The following FBXL13 variants were observed in gnomAD, a reference collection of about 807,000 sequenced individuals.
FBXL13 encodes F-box and leucine rich repeat protein 13, also known as F-box and leucine-rich repeat protein 13.
FBXL13 carries 67 observed loss-of-function variants against 83.6 expected under a neutral mutation model. That is an observed-to-expected ratio of 0.80 (90% CI 0.66 to 0.98). The LOEUF (loss-of-function observed/expected upper bound fraction) is 0.98. FBXL13 is among the 50% of genes least tolerant of loss of function. The pLI, the probability that FBXL13 is intolerant of heterozygous loss-of-function variation, is 0.00. For missense variants in FBXL13, 822 were observed against 866.5 expected (o/e 0.95, Z 0.64); for synonymous variants, 272 against 299.5 (o/e 0.91, Z 0.95).
intron 17 of FBXL13, among the ~76,000 whole-genome samples, chr7:102,835,800 G>A (rs898589951): frequency 4.6e-5 from 7 of 151,086 alleles, no homozygotes; most frequent in Non-Finnish European, 7.4e-5. Context: ...TAGTAGAGAC[G>A]GGGTTTCACC....
At chr7:103,054,137 T>G (rs1179842657) in intron 2 of FBXL13, among the ~76,000 whole-genome samples, 1 of 74,908 alleles carries the variant, frequency 1.3e-5, no homozygotes, top group African/African-American at 3.2e-5. Flanking sequence ...GGCTCACACC[T>G]GTAATCTGAG....
intron 2 of FBXL13, among the ~76,000 whole-genome samples, chr7:103,046,611 G>T (rs1038866744): frequency 6.6e-6 from 1 of 152,080 alleles, no homozygotes; most frequent in African/African-American, 2.4e-5. Context: ...AATCCTTCAC[G>T]AATAAAAGTA....
intron 6 of FBXL13, among the ~76,000 whole-genome samples, chr7:103,011,637 CAAA>C (rs1323329438): frequency 1.0e-4 from 6 of 58,494 alleles, no homozygotes; most frequent in Admixed American, 1.9e-4. Flanking sequence ...GACTCTGTCT[CAAA>C]AAAAAAAAAA....
intron 8 of FBXL13, among the ~76,000 whole-genome samples, chr7:102,957,685 C>T (rs567406301): frequency 6.6e-6 from 1 of 151,626 alleles, no homozygotes; most frequent in East Asian, 1.9e-4. Flanking sequence ...AACAAATTTA[C>T]AAGAAAAAAA....
At chr7:102,958,657 A>C (rs1169788976) in intron 8 of FBXL13, among the ~76,000 whole-genome samples, 1 of 152,014 alleles carries the variant, frequency 6.6e-6, no homozygotes, top group Admixed American at 6.6e-5. Flanking sequence ...AAACATAATA[A>C]ATTGGTTAAA....
At chr7:102,824,357 G>C (rs1799251188) in intron 18 of FBXL13, among the ~76,000 whole-genome samples, 1 of 152,060 alleles carries the variant, frequency 6.6e-6, no homozygotes, top group South Asian at 2.1e-4. Context: ...AGCAATAATA[G>C]CAAAGGAAAG....
chr7:102,937,345 C>CA (rs373845836), intron 8 of FBXL13, among the ~76,000 whole-genome samples: 122,890 of 143,752 alleles, frequency 0.85, 52,475 homozygotes, highest in Middle Eastern at 0.93. Context: ...ACTAAAAATA[C>CA]AAAAAAAAAA....
intron 11 of FBXL13, among the ~76,000 whole-genome samples, chr7:102,893,981 A>AC (rs1563055342): frequency 2.6e-5 from 3 of 117,274 alleles, no homozygotes; most frequent in African/African-American, 1.1e-4. Context: ...AAAGAAAGAA[A>AC]GAGGAAAGAA....
At chr7:103,025,886 A>G (rs1793845529) in intron 5 of FBXL13, among the ~76,000 whole-genome samples, 1 of 152,022 alleles carries the variant, frequency 6.6e-6, no homozygotes, top group African/African-American at 2.4e-5. Context: ...CCCAGCATAC[A>G]CTTGCCATCC....
At chr7:103,030,297 A>G (rs1489616315) in intron 2 of FBXL13, among the ~76,000 whole-genome samples, 1 of 152,220 alleles carries the variant, frequency 6.6e-6, no homozygotes, top group African/African-American at 2.4e-5. Flanking sequence ...GGCATACAAG[A>G]AAGGCCCATA....
chr7:102,931,026 A>C (rs1456846903), intron 9 of FBXL13, among the ~76,000 whole-genome samples: 1 of 152,228 alleles, frequency 6.6e-6, no homozygotes, highest in East Asian at 1.9e-4. Flanking sequence ...AAGGATACTT[A>C]TCATAGGAAC....
At chr7:102,973,181 C>A (rs771907433) in intron 6 of FBXL13, 9 of 205,438 alleles carry the variant, frequency 4.4e-5, no homozygotes, top group Non-Finnish European at 6.9e-5. Flanking sequence ...GGTTATCAGC[C>A]TTCCTTTCAT....
At chr7:102,822,145 T>A in exon 19 of FBXL13, 1 of 1,614,198 alleles carries the variant, frequency 6.2e-7, no homozygotes, top group East Asian at 2.2e-5. Flanking sequence ...ACCAGAGATA[T>A]CCAAAATGTG....
chr7:103,002,403 TTTA>T (rs1182083332), intron 6 of FBXL13, among the ~76,000 whole-genome samples: 1 of 152,238 alleles, frequency 6.6e-6, no homozygotes, highest in Non-Finnish European at 1.5e-5. Context: ...TTTCAATAGA[TTTA>T]TTTTTTAGGC....
intron 6 of FBXL13, among the ~76,000 whole-genome samples, chr7:102,990,297 A>G (rs1829429509): frequency 6.6e-6 from 1 of 152,152 alleles, no homozygotes; most frequent in Admixed American, 6.5e-5. Flanking sequence ...TAGAGAAATA[A>G]TTCCCAGAGA....
rs558586150 is a variant in FBXL13 at position 102,895,765 on chromosome 7, A to T, written c.1009-11453T>A. Reference sequence around the variant, plus strand: ...AGGAATCATCACCCTCCCAATTGGCACTTTCTCATGTACAAGTAGGATAGC... The same window carrying T: ...AGGAATCATCACCCTCCCAATTGGCTCTTTCTCATGTACAAGTAGGATAGC... On this transcript the variant is annotated intron_variant, in intron 11 of 19. Transcript: ENST00000313221. Among the ~76,000 whole-genome samples the T allele has an allele frequency of 1.4e-4, 22 of 152,318 alleles. No homozygotes were observed. The South Asian group carries it at 4.4e-3, about 30-fold the overall frequency.
intron 10 of FBXL13, among the ~76,000 whole-genome samples, chr7:102,914,676 C>T (rs1458996216): frequency 1.3e-5 from 2 of 152,160 alleles, no homozygotes; most frequent in East Asian, 1.9e-4. Flanking sequence ...ACACACATCC[C>T]GATCTGGGAA....
chr7:102,822,049 T>C (rs1427179183), exon 19 of FBXL13: 2 of 1,614,208 alleles, frequency 1.2e-6, no homozygotes, highest in Non-Finnish European at 1.7e-6. Flanking sequence ...CTTGGAAATA[T>C]TTGTGCAGTA....
chr7:103,055,251 T>A (rs948516615), intron 2 of FBXL13, 73 bp from the exon 3 acceptor site: 11 of 809,376 alleles, frequency 1.4e-5, no homozygotes, highest in Middle Eastern at 4.2e-4. Context: ...AATCAGTGAT[T>A]CTTGTAGGTG....
Sources: allele counts gnomAD v4.1 joint callset (sites outside exome capture counted in the v4.1 genomes callset), GRCh38; gene constraint gnomAD v4.1.1; transcripts MANE v1.5; gene names NCBI Gene and HGNC (gene_info 2026-07-23, HGNC 2026-07-21).